MBNL2: variants seen among roughly 807,000 people sequenced by gnomAD.
The protein encoded by MBNL2 is muscleblind-like protein 2.
A neutral mutation model predicts 41.9 loss-of-function variants in MBNL2; 17 were observed. The ratio of observed to expected loss-of-function variants is 0.41; its 90% CI spans 0.28 to 0.61. The LOEUF is 0.61. MBNL2 is among the 20% of genes least tolerant of loss of function. The pLI is 0.35. For missense variants in MBNL2, 336 were observed against 505.6 expected (o/e 0.66, Z 3.22); for synonymous variants, 195 against 182.9 (o/e 1.07, Z -0.53).
the MBNL2 span, among the ~76,000 whole-genome samples, chr13:97,189,561 C>T: frequency 6.6e-6 from 1 of 152,154 alleles, no homozygotes; most frequent in African/African-American, 2.4e-5. Flanking sequence ...AATGCATATG[C>T]ATATACATAT....
At chr13:97,279,211 A>G (rs2052827638) in intron 2 of MBNL2, among the ~76,000 whole-genome samples, 1 of 152,256 alleles carries the variant, frequency 6.6e-6, no homozygotes, top group Non-Finnish European at 1.5e-5. Flanking sequence ...TGCAATACAG[A>G]GAAGCAGCAA....
chr13:97,291,897 T>A (rs371104240), intron 2 of MBNL2, among the ~76,000 whole-genome samples: 87 of 3,070 alleles, frequency 0.028, no homozygotes, highest in Non-Finnish European at 0.035. Context: ...TCCGTCTCCG[T>A]CTCAAAAAAA....
At chr13:97,351,603 A>G (rs1014019527) in intron 5 of MBNL2, among the ~76,000 whole-genome samples, 3 of 152,102 alleles carry the variant, frequency 2.0e-5, no homozygotes, top group Non-Finnish European at 4.4e-5. Flanking sequence ...ATGCTCTTTT[A>G]TGTTATGGAG....
At chr13:97,266,008 G>A (rs1384529288) in intron 1 of MBNL2, among the ~76,000 whole-genome samples, 1 of 152,098 alleles carries the variant, frequency 6.6e-6, no homozygotes, top group Admixed American at 6.5e-5. Context: ...TTGGGAGGCC[G>A]AGGTGGGTGG....
At chr13:97,158,374 G>GT in the MBNL2 span, among the ~76,000 whole-genome samples, 1 of 151,880 alleles carries the variant, frequency 6.6e-6, no homozygotes, top group Non-Finnish European at 1.5e-5. Context: ...TTTTTGAAGG[G>GT]TTTTTTGTGT....
intron 2 of MBNL2, among the ~76,000 whole-genome samples, chr13:97,313,966 A>G (rs1046986112): frequency 6.6e-6 from 1 of 152,210 alleles, no homozygotes; most frequent in Non-Finnish European, 1.5e-5. Flanking sequence ...ATACATTTAA[A>G]AAATATGTGA....
At chr13:97,390,099 G>T (rs1784007091) in intron 8 of MBNL2, among the ~76,000 whole-genome samples, 1 of 152,036 alleles carries the variant, frequency 6.6e-6, no homozygotes, top group Non-Finnish European at 1.5e-5. Flanking sequence ...ATCAAAGAAT[G>T]ACCTTATCTG....
chr13:97,198,794 T>C, the MBNL2 span, among the ~76,000 whole-genome samples: 1 of 152,096 alleles, frequency 6.6e-6, no homozygotes, highest in Non-Finnish European at 1.5e-5. Flanking sequence ...CCTCAAAATA[T>C]ATGCAGACCC....
chr13:97,236,463 G>A (rs1269468901), intron 1 of MBNL2, among the ~76,000 whole-genome samples: 1 of 151,378 alleles, frequency 6.6e-6, no homozygotes, highest in East Asian at 1.9e-4. Flanking sequence ...GAGATGTACA[G>A]ATGTGTTCAC....
At chr13:97,222,052 T>G (rs1054864015), upstream of MBNL2, among the ~76,000 whole-genome samples, 6 of 152,242 alleles carry the variant, frequency 3.9e-5, no homozygotes, top group African/African-American at 1.4e-4. Flanking sequence ...TCGAGCTGGC[T>G]GTCTTCAAGG....
chr13:97,287,916 CTGTTTTTTTTTTGTTTTGTTT>C (rs2054897742), intron 2 of MBNL2, among the ~76,000 whole-genome samples: 2 of 70,562 alleles, frequency 2.8e-5, no homozygotes, highest in Non-Finnish European at 6.7e-5. Context: ...GGCTAATTTT[CTGTTTTTTTTTTGTTTTGTTT>C]TGTTTTTTTT....
the MBNL2 span, among the ~76,000 whole-genome samples, chr13:97,186,170 GATGGGTAA>G: frequency 6.6e-6 from 1 of 152,204 alleles, no homozygotes; most frequent in Non-Finnish European, 1.5e-5. Context: ...ACGGTTTCCA[GATGGGTAA>G]ATTTCATAAC....
At chr13:97,214,057 A>G in the MBNL2 span, among the ~76,000 whole-genome samples, 2 of 152,208 alleles carry the variant, frequency 1.3e-5, no homozygotes, top group Non-Finnish European at 2.9e-5. Context: ...CCACTTCTGA[A>G]CCGTTGAAGA....
At chr13:97,255,030 C>A (rs2047266679) in intron 1 of MBNL2, among the ~76,000 whole-genome samples, 1 of 152,146 alleles carries the variant, frequency 6.6e-6, no homozygotes, top group East Asian at 1.9e-4. Flanking sequence ...CCTTAATGAA[C>A]CTGTGCTTCT....
At chr13:97,148,933 A>G in the MBNL2 span, among the ~76,000 whole-genome samples, 1 of 152,238 alleles carries the variant, frequency 6.6e-6, no homozygotes, top group Non-Finnish European at 1.5e-5. Context: ...GCATACACAC[A>G]AGAACATTTC....
At chr13:97,333,021 G>A (rs1398735806) in intron 2 of MBNL2, among the ~76,000 whole-genome samples, 6 of 152,200 alleles carry the variant, frequency 3.9e-5, no homozygotes, top group Non-Finnish European at 8.8e-5. Context: ...AGTCTGAGCT[G>A]CCAAAAGTGC....
chr13:97,203,395 C>A, the MBNL2 span, among the ~76,000 whole-genome samples: 223 of 152,250 alleles, frequency 1.5e-3, 2 homozygotes, highest in African/African-American at 5.2e-3. Flanking sequence ...CTGTACACCA[C>A]CTGCAGCACC....
At chr13:97,373,570 G>A (rs542833520) in intron 8 of MBNL2, among the ~76,000 whole-genome samples, 4 of 149,672 alleles carry the variant, frequency 2.7e-5, no homozygotes, top group Admixed American at 2.0e-4. Flanking sequence ...GCATGGCTAA[G>A]GATAGCACAA....
chr13:97,384,826 AG>A (rs927311992), intron 8 of MBNL2, among the ~76,000 whole-genome samples: 20 of 152,222 alleles, frequency 1.3e-4, no homozygotes, highest in African/African-American at 4.8e-4. Flanking sequence ...AAGATTTCTA[AG>A]AAACCTACCA....
Sources: gnomAD v4.1 joint callset for allele counts (sites outside exome capture counted in the v4.1 genomes callset) on GRCh38, gnomAD v4.1.1 for gene constraint, MANE v1.5 for transcripts, NCBI Gene and HGNC (gene_info 2026-07-23, HGNC 2026-07-21) for gene names.